The following TRPM3 variants were observed in gnomAD, a reference collection of about 807,000 sequenced individuals.
TRPM3 encodes long transient receptor potential channel 3.
In TRPM3, 77 loss-of-function variants were observed where a neutral mutation model predicts 181.2. The ratio of observed to expected loss-of-function variants is 0.42; its 90% CI spans 0.35 to 0.51. The LOEUF is 0.51. Ranked by LOEUF, TRPM3 falls within the 20% of genes least tolerant of loss-of-function variation. The pLI, the probability that TRPM3 is intolerant of heterozygous loss-of-function variation, is 0.01. For missense variants in TRPM3, 1,759 were observed against 2,196.7 expected (o/e 0.80, Z 3.98); for synonymous variants, 745 against 796.4 (o/e 0.94, Z 1.09).
intron 1 of TRPM3, among the ~76,000 whole-genome samples, chr9:71,355,768 T>G (rs1173554813): frequency 6.6e-6 from 1 of 152,182 alleles, no homozygotes; most frequent in Non-Finnish European, 1.5e-5. Flanking sequence ...GAGCATGAGC[T>G]AGGGCAAAAC....
chr9:71,440,102 G>A (rs911536514), intron 1 of TRPM3, among the ~76,000 whole-genome samples: 4 of 151,988 alleles, frequency 2.6e-5, no homozygotes, highest in African/African-American at 7.3e-5. Flanking sequence ...CAGCCTGGGT[G>A]ACACAATGAG....
intron 7 of TRPM3, among the ~76,000 whole-genome samples, chr9:70,767,019 T>C (rs544117112): frequency 1.3e-5 from 2 of 152,378 alleles, no homozygotes; most frequent in African/African-American, 4.8e-5. Flanking sequence ...CACAAGCGTA[T>C]GCATTATTCA....
chr9:71,260,804 T>A (rs981996587), intron 1 of TRPM3, among the ~76,000 whole-genome samples: 1 of 152,228 alleles, frequency 6.6e-6, no homozygotes, highest in Non-Finnish European at 1.5e-5. Flanking sequence ...GTTTTCTAAA[T>A]ATACAATCAT....
intron 1 of TRPM3, among the ~76,000 whole-genome samples, chr9:71,401,506 G>A (rs781133060): frequency 6.6e-6 from 1 of 152,168 alleles, no homozygotes; most frequent in African/African-American, 2.4e-5. Flanking sequence ...AGAGAAAATC[G>A]TGTGTTAAGT....
intron 1 of TRPM3, among the ~76,000 whole-genome samples, chr9:71,162,199 C>CAAAAAAAAAAAAAAA (rs35947110): frequency 9.4e-5 from 7 of 74,350 alleles, no homozygotes; most frequent in African/African-American, 2.2e-4. Flanking sequence ...GACTCTGTCT[C>CAAAAAAAAAAAAAAA]AAAAAAAAAA....
At chr9:70,903,456 C>G (rs1293934410) in intron 1 of TRPM3, among the ~76,000 whole-genome samples, 1 of 151,490 alleles carries the variant, frequency 6.6e-6, no homozygotes, top group Non-Finnish European at 1.5e-5. Flanking sequence ...TCCATCTCCC[C>G]AAAAAGAAAA....
intron 10 of TRPM3, 136 bp from the exon 11 acceptor site, chr9:70,639,330 C>T (rs2057702796): frequency 1.1e-6 from 1 of 912,822 alleles, no homozygotes; most frequent in African/African-American, 1.7e-5. Context: ...AACATGCTAG[C>T]AAGACTGTTC....
intron 1 of TRPM3, among the ~76,000 whole-genome samples, chr9:70,975,018 TCAC>T: frequency 6.6e-6 from 1 of 151,778 alleles, no homozygotes; most frequent in Admixed American, 6.6e-5. Context: ...CAGGTGCCCA[TCAC>T]CACATCTGGC....
At chr9:70,853,851 T>A (rs1022118545) in intron 3 of TRPM3, among the ~76,000 whole-genome samples, 2 of 152,246 alleles carry the variant, frequency 1.3e-5, no homozygotes, top group Non-Finnish European at 2.9e-5. Flanking sequence ...ACTTTTTTCA[T>A]GTTTGGTTGT....
intron 1 of TRPM3, among the ~76,000 whole-genome samples, chr9:71,244,787 GA>G: frequency 6.6e-6 from 1 of 152,218 alleles, no homozygotes; most frequent in South Asian, 2.1e-4. Flanking sequence ...CACCTAATGG[GA>G]AAAATGCAAA....
At chr9:71,122,009 C>T (rs2073708015), upstream of TRPM3, among the ~76,000 whole-genome samples, 1 of 152,196 alleles carries the variant, frequency 6.6e-6, no homozygotes, top group South Asian at 2.1e-4. Flanking sequence ...GCATAGATGA[C>T]AGACACTGAG....
chr9:70,567,728 T>C (rs769422665), intron 22 of TRPM3, among the ~76,000 whole-genome samples: 1 of 151,768 alleles, frequency 6.6e-6, no homozygotes, highest in Non-Finnish European at 1.5e-5. Flanking sequence ...TTTCCACTTA[T>C]ATCCCTTGTC....
chr9:70,775,572 C>A (rs2081197137), intron 7 of TRPM3: 1 of 152,136 alleles, frequency 6.6e-6, no homozygotes, highest in South Asian at 2.1e-4. Flanking sequence ...CAAAGAAGCC[C>A]CCGGAATTTT....
chr9:71,404,729 C>T (rs1235123584), intron 1 of TRPM3, among the ~76,000 whole-genome samples: 1 of 152,158 alleles, frequency 6.6e-6, no homozygotes, highest in East Asian at 1.9e-4. Flanking sequence ...GAGAATAAAG[C>T]CTGGACTTCA....
rs773005864 is a variant in TRPM3, at chr9:70,536,792, G to C, written c.4321C>G (p.Pro1441Ala). The change falls in exon 26 of 26, where the codon CCA (proline) becomes GCA (alanine). Residue 1441 changes from proline to alanine, a missense_variant. Coordinates refer to ENST00000677713, the MANE Select transcript of TRPM3 (RefSeq NM_001366145.2). ...NSVNILGLGE[P>A]SFSTPVPSTA... Reference sequence around the variant, plus strand: ...GAAGGTACTGGAGTTGAAAAGCTTGGCTCGCCCAGCCCAAGGATGTTCACG... The same window carrying C: ...GAAGGTACTGGAGTTGAAAAGCTTGCCTCGCCCAGCCCAAGGATGTTCACG... 1 of 1,614,048 alleles carries C rather than the reference G, an allele frequency of 6.2e-7. No individual in the cohort carries two copies. Among genetic ancestry groups the C allele is most frequent in the African/African-American group, 1.3e-5 (1 of 74,924 alleles).
chr9:71,155,453 A>C (rs888643474), intron 1 of TRPM3, among the ~76,000 whole-genome samples: 3 of 142,844 alleles, frequency 2.1e-5, no homozygotes, highest in African/African-American at 7.7e-5. Context: ...CAAGTAGCTG[A>C]GATTACAGGC....
intron 1 of TRPM3, among the ~76,000 whole-genome samples, chr9:71,297,548 G>A (rs146291059): frequency 6.6e-6 from 1 of 152,250 alleles, no homozygotes; most frequent in Non-Finnish European, 1.5e-5. Context: ...AATGAGATCG[G>A]AATGAAGGAG....
intron 9 of TRPM3, among the ~76,000 whole-genome samples, chr9:70,675,479 A>G (rs1266043341): frequency 6.6e-6 from 1 of 152,228 alleles, no homozygotes; most frequent in Non-Finnish European, 1.5e-5. Flanking sequence ...TCTATAAGTA[A>G]TTAAGTAGTT....
rs559564788 is a variant in TRPM3, at chr9:71,374,144, G to C, written c.183+72509C>G. Among the ~76,000 whole-genome samples, 3 of 152,328 alleles carry C rather than the reference G, an allele frequency of 2.0e-5. No individual in the cohort carries two copies. In the East Asian group the frequency reaches 5.8e-4, roughly 29 times the overall value. ...TAATCCTCACACTTTGGAAGGCTGA[G>C]GCAGGCAGATCACCTGAGGTCAGGA... On this transcript the variant is annotated intron_variant, in intron 1 of 24. Transcript: ENST00000357533.
Sources: allele counts gnomAD v4.1 joint callset (sites outside exome capture counted in the v4.1 genomes callset), GRCh38; gene constraint gnomAD v4.1.1; transcripts MANE v1.5; gene names NCBI Gene and HGNC (gene_info 2026-07-23, HGNC 2026-07-21).